KCNIP4: variants seen among roughly 807,000 people sequenced by gnomAD.
The protein encoded by KCNIP4 is potassium voltage-gated channel interacting protein 4.
A neutral mutation model predicts 34.0 loss-of-function variants in KCNIP4; 12 were observed. That is an observed-to-expected ratio of 0.35 (90% CI 0.23 to 0.57). The LOEUF is 0.57. Ranked by LOEUF, KCNIP4 falls within the 20% of genes least tolerant of loss-of-function variation. The probability of loss-of-function intolerance (pLI) is 0.83; values close to 1 mark genes in which losing one functional copy is unlikely to be tolerated. For missense variants in KCNIP4, 238 were observed against 311.7 expected (o/e 0.76, Z 1.78); for synonymous variants, 124 against 102.2 (o/e 1.21, Z -1.29).
At chr4:20,966,888 T>C (rs1391203764) in intron 1 of KCNIP4, among the ~76,000 whole-genome samples, 1 of 152,164 alleles carries the variant, frequency 6.6e-6, no homozygotes. Flanking sequence ...TTATTCTGTG[T>C]CTCAGAAGCA....
chr4:21,769,447 G>T (rs1348272483), intron 1 of KCNIP4, among the ~76,000 whole-genome samples: 1 of 152,072 alleles, frequency 6.6e-6, no homozygotes, highest in Admixed American at 6.6e-5. Context: ...GACATTTTCA[G>T]TATTGATTTA....
At chr4:20,879,764 G>C (rs903126730) in intron 2 of KCNIP4, among the ~76,000 whole-genome samples, 1 of 152,102 alleles carries the variant, frequency 6.6e-6, no homozygotes, top group African/African-American at 2.4e-5. Context: ...TGTATGCTTT[G>C]CTGAAAAACA....
chr4:21,520,242 T>A (rs912373319), intron 1 of KCNIP4, among the ~76,000 whole-genome samples: 4 of 152,060 alleles, frequency 2.6e-5, no homozygotes, highest in Admixed American at 1.3e-4. Context: ...GGATCAATAC[T>A]TTGCATCCTT....
intron 1 of KCNIP4, among the ~76,000 whole-genome samples, chr4:21,842,542 A>T (rs1723748069): frequency 6.6e-6 from 1 of 152,120 alleles, no homozygotes; most frequent in African/African-American, 2.4e-5. Context: ...TTTATGTACA[A>T]AGGCTGTATT....
At chr4:20,969,556 T>TTG (rs113668496) in intron 1 of KCNIP4, among the ~76,000 whole-genome samples, 5,462 of 149,646 alleles carry the variant, frequency 0.036, 225 homozygotes, top group African/African-American at 0.1. Flanking sequence ...GCGTGTGTGT[T>TTG]TGTGTGTGTG....
At chr4:21,139,261 G>A (rs527347339) in intron 1 of KCNIP4, among the ~76,000 whole-genome samples, 3 of 152,144 alleles carry the variant, frequency 2.0e-5, no homozygotes, top group South Asian at 2.1e-4. Flanking sequence ...CTTTGTCCTC[G>A]GAAGACAAGA....
chr4:20,833,447 T>C (rs1320745688), intron 3 of KCNIP4, among the ~76,000 whole-genome samples: 1 of 151,830 alleles, frequency 6.6e-6, no homozygotes, highest in Non-Finnish European at 1.5e-5. Context: ...ATTGTGCCAC[T>C]GCACTCCAGC....
At chr4:20,878,495 G>T (rs562210990) in intron 2 of KCNIP4, among the ~76,000 whole-genome samples, 1 of 151,986 alleles carries the variant, frequency 6.6e-6, no homozygotes, top group African/African-American at 2.4e-5. Flanking sequence ...ATTACCACAG[G>T]TTTACTTCTG....
intron 1 of KCNIP4, among the ~76,000 whole-genome samples, chr4:21,150,848 T>A (rs1752703664): frequency 6.6e-6 from 1 of 152,140 alleles, no homozygotes; most frequent in Non-Finnish European, 1.5e-5. Flanking sequence ...CTTGGGTGCT[T>A]TGAAAAAAGA....
intron 1 of KCNIP4, among the ~76,000 whole-genome samples, chr4:21,455,837 A>AGC (rs1728909932): frequency 8.0e-6 from 1 of 125,210 alleles, no homozygotes; most frequent in African/African-American, 3.5e-5. Flanking sequence ...ATATATATAT[A>AGC]TATATATATA....
chr4:21,759,461 A>C (rs555446380), intron 1 of KCNIP4, among the ~76,000 whole-genome samples: 7 of 152,312 alleles, frequency 4.6e-5, no homozygotes, highest in African/African-American at 1.7e-4. Context: ...TCTTGGTTTT[A>C]CCATATAGCA....
At position 20,971,479 on chromosome 4, in the gene KCNIP4, CTTTT is replaced by C. The variant is rs147957770; in HGVS notation, c.62-88774_62-88771del. Among the ~76,000 whole-genome samples the C allele has an allele frequency of 7.5e-4, 111 of 148,832 alleles. 3 individuals carry two copies. In the East Asian group the frequency reaches 0.02, roughly 27 times the overall value. ...AAATATCACAATCAAGCAAACCATA[CTTTT>C]TTTTTTGTTTTCCTGTGAATATAAA... On this transcript the variant is annotated intron_variant, in intron 1 of 8. Coordinates refer to ENST00000382152, the MANE Select transcript of KCNIP4 (RefSeq NM_025221.6).
intron 1 of KCNIP4, among the ~76,000 whole-genome samples, chr4:21,290,914 A>G (rs1308518463): frequency 1.3e-5 from 2 of 152,212 alleles, no homozygotes; most frequent in African/African-American, 4.8e-5. Flanking sequence ...TAAGCACTTC[A>G]TGTCTATTAA....
chr4:21,589,183 T>C (rs527336621), intron 1 of KCNIP4, among the ~76,000 whole-genome samples: 8,395 of 73,222 alleles, frequency 0.11, 723 homozygotes, highest in African/African-American at 0.25. Flanking sequence ...TATATATATA[T>C]ATATATATAT....
At chr4:21,878,072 C>A (rs1379290371) in intron 1 of KCNIP4, among the ~76,000 whole-genome samples, 1 of 152,020 alleles carries the variant, frequency 6.6e-6, no homozygotes, top group Non-Finnish European at 1.5e-5. Flanking sequence ...TTTTGAGATG[C>A]AGTCTCTCTC....
intron 1 of KCNIP4, among the ~76,000 whole-genome samples, chr4:21,702,400 G>A (rs113956836): frequency 0.022 from 3,361 of 152,110 alleles, 145 homozygotes; most frequent in African/African-American, 0.075. Flanking sequence ...GAGAGGTTAC[G>A]ACTTTACATA....
At chr4:21,460,501 T>A (rs1729364215) in intron 1 of KCNIP4, among the ~76,000 whole-genome samples, 1 of 152,066 alleles carries the variant, frequency 6.6e-6, no homozygotes, top group Non-Finnish European at 1.5e-5. Context: ...GTTGGGAAGA[T>A]CATGATATGG....
intron 1 of KCNIP4, among the ~76,000 whole-genome samples, chr4:21,221,209 A>C (rs1757958570): frequency 6.6e-6 from 1 of 152,078 alleles, no homozygotes; most frequent in South Asian, 2.1e-4. Flanking sequence ...TTTTGAGGGC[A>C]GGGGTTATTT....
intron 8 of KCNIP4, among the ~76,000 whole-genome samples, chr4:20,730,856 AAATGGTGGCTGAACCAAT>A (rs1411614968): frequency 1.3e-5 from 2 of 152,178 alleles, no homozygotes; most frequent in African/African-American, 4.8e-5. Context: ...TGGTAGTGGT[AAATGGTGGCTGAACCAAT>A]AATGGCTTCC....
Sources: allele counts gnomAD v4.1 joint callset (sites outside exome capture counted in the v4.1 genomes callset), GRCh38; gene constraint gnomAD v4.1.1; transcripts MANE v1.5; gene names NCBI Gene and HGNC (gene_info 2026-07-23, HGNC 2026-07-21).